CPT2: variants seen among roughly 807,000 people sequenced by gnomAD.
CPT2 encodes the protein carnitine palmitoyltransferase 2, also known as carnitine O-palmitoyltransferase 2, mitochondrial.
In CPT2, 37 loss-of-function variants were observed where a neutral mutation model predicts 48.6. That is an observed-to-expected ratio of 0.76 (90% CI 0.59 to 1.00). CPT2 has a LOEUF of 1.00. CPT2 is among the 50% of genes least tolerant of loss of function. CPT2 has a pLI of 0.00. For synonymous variants in CPT2, 319 were observed against 326.9 expected, an observed-to-expected ratio of 0.98 and a Z score of 0.26; for missense variants, 772 against 825.6, an observed-to-expected ratio of 0.94 and a Z score of 0.80.
intron 2 of CPT2, chr1:53,201,606 C>G (rs905863485): frequency 6.5e-6 from 1 of 153,512 alleles, no homozygotes; most frequent in Non-Finnish European, 1.4e-5. Context: ...GCAAATACAG[C>G]ATGGAATTGG....
chr1:53,208,161 T>A (rs376689633), intron 3 of CPT2: 1 of 152,232 alleles, frequency 6.6e-6, no homozygotes, highest in Non-Finnish European at 1.5e-5. Flanking sequence ...TCTCACCATT[T>A]TAGTGCATTG....
At chr1:53,205,221 A>T (rs1165735270) in intron 3 of CPT2, among the ~76,000 whole-genome samples, 1 of 152,180 alleles carries the variant, frequency 6.6e-6, no homozygotes, top group African/African-American at 2.4e-5. Context: ...GTGGTCTCAG[A>T]TGGAGATGAG....
At position 53,197,027 on chromosome 1, in the gene CPT2, C is replaced by T. The variant is rs772541454; in HGVS notation, c.84C>T (p.Gly28=). Reference sequence around the variant, plus strand: ...CCCCCAGTCGGCCCCTCAGCGCCGGCTCCGGGCCCGGCCAGTACCTGCAGC... The same window carrying T: ...CCCCCAGTCGGCCCCTCAGCGCCGGTTCCGGGCCCGGCCAGTACCTGCAGC... ...PGAPSRPLSA[G]SGPGQYLQRS... The change falls in exon 1 of 5, where the codon GGC becomes GGT. Residue 28 remains glycine, a synonymous_variant. Transcript: ENST00000371486. 123 of 1,536,514 alleles carry T rather than the reference C, an allele frequency of 8.0e-5. No homozygotes were observed. Among genetic ancestry groups the T allele is most frequent in the Non-Finnish European group, 1.8e-5 (21 of 1,145,524 alleles).
rs1645447971 is a variant in CPT2, at chr1:53,213,811, C to T, written c.*216C>T. On this transcript the variant is annotated 3_prime_UTR_variant, in exon 5 of 5. Coordinates refer to ENST00000371486, the MANE Select transcript of CPT2 (RefSeq NM_000098.3). ...GGGTGTGGTGGCATGTGCCTATAATCCCAGCTACTTGGGAGGTTGAAGCAG... is the reference window on the plus strand; with the variant it reads ...GGGTGTGGTGGCATGTGCCTATAATTCCAGCTACTTGGGAGGTTGAAGCAG... 3 of 519,538 alleles carry T rather than the reference C, an allele frequency of 5.8e-6. No individual in the cohort carries two copies. The South Asian group carries it at 6.0e-5, about 10-fold the overall frequency. The allele number at this position is 519,538 out of a possible 1,614,324, so 32.2% of individuals were successfully genotyped here.
chr1:53,199,172 C>T (rs748641536), intron 1 of CPT2, among the ~76,000 whole-genome samples: 10 of 152,084 alleles, frequency 6.6e-5, no homozygotes, highest in Non-Finnish European at 1.2e-4. Context: ...AGGATCCTCC[C>T]GCCTCAGCCT....
In CPT2 at chr1:53,213,399, G is replaced by A; in HGVS notation, c.1781G>A (p.Ser594Asn). 6.2e-7 allele frequency: 1 copy of A among 1,614,262 alleles called. No individual in the cohort carries two copies. The highest frequency in any genetic ancestry group is 2.2e-5 in the East Asian group (1 of 44,884). ...GTCCTGTCCACGAGCACACTGAGCA[G>A]CCCAGCAGTGAACCTTGGGGGCTTT... Reference protein sequence around the residue: ...HNVLSTSTLSSPAVNLGGFAP... With the variant: ...HNVLSTSTLSNPAVNLGGFAP... The change falls in exon 5 of 5, where the codon AGC becomes AAC. Residue 594 changes from serine to asparagine, a missense_variant. Ser to Asn is a conservative substitution (Grantham distance 46). Coordinates refer to ENST00000371486, the MANE Select transcript of CPT2 (RefSeq NM_000098.3).
At chr1:53,204,268 T>C (rs1214861907) in intron 3 of CPT2, 1 of 152,110 alleles carries the variant, frequency 6.6e-6, no homozygotes, top group Non-Finnish European at 1.5e-5. Flanking sequence ...TAATTTTCTT[T>C]TCTCTCACAT....
chr1:53,205,789 C>T (rs748583101), intron 3 of CPT2, among the ~76,000 whole-genome samples: 11 of 152,196 alleles, frequency 7.2e-5, no homozygotes, highest in Admixed American at 1.3e-4. Context: ...GGCCAAGGCA[C>T]AGCTCTGGCC....
At position 53,213,654 on chromosome 1, in the gene CPT2, C is replaced by T; in HGVS notation, c.*59C>T. On this transcript the variant is annotated 3_prime_UTR_variant, in exon 5 of 5. Coordinates refer to ENST00000371486, the MANE Select transcript of CPT2 (RefSeq NM_000098.3). The stretch of plus-strand genomic sequence containing the variant: ...TCATCATGAAAACTGGGAGGCCGGG[C>T]ATGGTGGCTCATGCCTGTAATCCCA... 1 of 1,432,764 alleles carries T rather than the reference C, an allele frequency of 7.0e-7. No homozygotes were observed. Among genetic ancestry groups the T allele is most frequent in the Non-Finnish European group, 9.6e-7 (1 of 1,037,006 alleles). 88.8% of individuals were successfully genotyped at this position (1,432,764 alleles called of 1,614,324 possible).
intron 4 of CPT2, among the ~76,000 whole-genome samples, chr1:53,211,952 G>A (rs1012785996): frequency 6.6e-6 from 1 of 151,908 alleles, no homozygotes; most frequent in Middle Eastern, 3.4e-3. Flanking sequence ...GAGTACAGTG[G>A]TGCAATCATG....
chr1:53,213,645 G>A lies in CPT2; in HGVS notation c.*50G>A. On this transcript the variant is annotated 3_prime_UTR_variant, in exon 5 of 5. Transcript: ENST00000371486. ...ATCACTTCCTCATCATGAAAACTGGGAGGCCGGGCATGGTGGCTCATGCCT... is the reference window on the plus strand; with the variant it reads ...ATCACTTCCTCATCATGAAAACTGGAAGGCCGGGCATGGTGGCTCATGCCT... The A allele has an allele frequency of 6.5e-7, 1 of 1,537,826 alleles. No homozygotes were observed. Among genetic ancestry groups the A allele is most frequent in the Non-Finnish European group, 8.9e-7 (1 of 1,124,320 alleles).
At position 53,202,438 on chromosome 1, in the gene CPT2, G is replaced by T. The variant is rs1397812019; in HGVS notation, c.340+9G>T. ...TACAAGCTACATTTCGGGTAGGTAG[G>T]CTGGGCTGTGGGTATGATTTCTCCC... On this transcript the variant is annotated intron_variant, in intron 3 of 4. Transcript: ENST00000371486. 2.5e-6 allele frequency: 4 copies of T among 1,601,256 alleles called. No individual in the cohort carries two copies. The highest frequency in any genetic ancestry group is 3.4e-6 in the Non-Finnish European group (4 of 1,168,210).
intron 1 of CPT2, chr1:53,197,314 G>C (rs1645329906): frequency 1.6e-6 from 1 of 627,516 alleles, no homozygotes; most frequent in African/African-American, 1.9e-5. Context: ...ACCCCTCGAT[G>C]CTATCTCAGA....
rs770734793 is a variant in CPT2 at position 53,211,103 on chromosome 1, C to T, written c.1429C>T (p.Arg477Trp). Residue 477 changes from arginine to tryptophan, a missense_variant, in exon 4 of 5, where the codon CGG becomes TGG. Physicochemically the swap from Arg to Trp is moderately radical, Grantham distance 101. Coordinates refer to ENST00000371486, the MANE Select transcript of CPT2 (RefSeq NM_000098.3). ...AQLAFQMAFLRQYGQTVATYE... is the reference protein window; with the variant it reads ...AQLAFQMAFLWQYGQTVATYE... ...GCTGGCATTCCAGATGGCCTTCCTG[C>T]GGCAGTACGGGCAGACAGTGGCCAC... 54 of 1,613,948 alleles carry T rather than the reference C, an allele frequency of 3.3e-5. No homozygotes were observed. Among genetic ancestry groups the T allele is most frequent in the Non-Finnish European group, 4.1e-5 (48 of 1,179,998 alleles).
chr1:53,197,201 AG>A, intron 1 of CPT2, 106 bp downstream of exon 1: 1 of 1,371,830 alleles, frequency 7.3e-7, no homozygotes, highest in Non-Finnish European at 1.0e-6. Flanking sequence ...TCCGCCCCCA[AG>A]CCCCTACCAT....
At chr1:53,202,597 C>A (rs770776291) in intron 3 of CPT2, 168 bp downstream of exon 3, 3 of 677,612 alleles carry the variant, frequency 4.4e-6, no homozygotes, top group Non-Finnish European at 8.1e-6. Context: ...TGTGTTCCTC[C>A]TCTACTGAGG....
At chr1:53,202,586 G>A (rs1467181493) in intron 3 of CPT2, 157 bp downstream of exon 3, 1 of 696,850 alleles carries the variant, frequency 1.4e-6, no homozygotes, top group Admixed American at 2.0e-5. Context: ...TTAAGGCTGA[G>A]TGTGTTCCTC....
intron 3 of CPT2, among the ~76,000 whole-genome samples, chr1:53,207,151 C>T (rs961498024): frequency 6.6e-6 from 1 of 152,218 alleles, no homozygotes; most frequent in Admixed American, 6.5e-5. Flanking sequence ...CTTGCTTCCC[C>T]TTTGCCTTCC....
chr1:53,198,060 C>T (rs985334962), intron 1 of CPT2, among the ~76,000 whole-genome samples: 2 of 152,188 alleles, frequency 1.3e-5, no homozygotes, highest in Non-Finnish European at 2.9e-5. Flanking sequence ...CTTCGAACTC[C>T]GCTTTCGTCT....
Sources: gnomAD v4.1 joint callset for allele counts (sites outside exome capture counted in the v4.1 genomes callset) on GRCh38, gnomAD v4.1.1 for gene constraint, MANE v1.5 for transcripts, NCBI Gene and HGNC (gene_info 2026-07-23, HGNC 2026-07-21) for gene names.